The following TCF12 variants were observed in gnomAD, a reference collection of about 807,000 sequenced individuals.
TCF12 encodes the protein DNA-binding protein HTF4.
Under a neutral mutation model 86.0 loss-of-function variants are expected in TCF12, and 45 were observed. The observed-to-expected ratio is 0.52, with a 90% CI of 0.41 to 0.67. The LOEUF (loss-of-function observed/expected upper bound fraction) is 0.67. Ranked by LOEUF, TCF12 falls within the 30% of genes least tolerant of loss-of-function variation. TCF12 has a pLI of 0.00. For missense variants in TCF12, 881 were observed against 859.9 expected, an observed-to-expected ratio of 1.02 and a Z score of -0.31; for synonymous variants, 330 against 299.6, an observed-to-expected ratio of 1.10 and a Z score of -1.05.
At chr15:57,243,151 A>G (rs1432041143) in intron 12 of TCF12, among the ~76,000 whole-genome samples, 1 of 152,252 alleles carries the variant, frequency 6.6e-6, no homozygotes, top group Non-Finnish European at 1.5e-5. Context: ...AACATATTCT[A>G]GAAAGATTGT....
At chr15:57,211,775 G>A (rs1175304041) in intron 8 of TCF12, among the ~76,000 whole-genome samples, 2 of 152,174 alleles carry the variant, frequency 1.3e-5, no homozygotes, top group Non-Finnish European at 2.9e-5. Context: ...CCAACATGGC[G>A]AAACCCTGTC....
At position 57,192,313 on chromosome 15, in the gene TCF12, A is replaced by G; in HGVS notation, c.526+20A>G. On this transcript the variant is annotated intron_variant, in intron 7 of 20. Coordinates refer to ENST00000333725, the MANE Select transcript of TCF12 (RefSeq NM_207037.2). ...CGCTTGGTGAGTGTATCACACAACA[A>G]ATCCCATCCCACATATGTTGTTGTT... is the stretch of plus-strand genomic sequence containing the variant. 1 of 1,612,034 alleles carries G rather than the reference A, an allele frequency of 6.2e-7. No individual in the cohort carries two copies. Among genetic ancestry groups the G allele is most frequent in the Non-Finnish European group, 8.5e-7 (1 of 1,178,994 alleles).
At chr15:57,048,190 T>C (rs1378316697) in intron 3 of TCF12, among the ~76,000 whole-genome samples, 1 of 152,236 alleles carries the variant, frequency 6.6e-6, no homozygotes, top group Non-Finnish European at 1.5e-5. Context: ...TGTAATTGGA[T>C]GGGCTTACCA....
chr15:57,005,368 G>A (rs1182068600), intron 3 of TCF12, among the ~76,000 whole-genome samples: 1 of 152,024 alleles, frequency 6.6e-6, no homozygotes, highest in Non-Finnish European at 1.5e-5. Context: ...TTATATGATT[G>A]TGGTATTTTT....
intron 5 of TCF12, among the ~76,000 whole-genome samples, chr15:57,142,543 A>G (rs2053055911): frequency 6.7e-6 from 1 of 149,566 alleles, no homozygotes; most frequent in Non-Finnish European, 1.5e-5. Context: ...ATAGTAATAG[A>G]TTTATAATTC....
At chr15:57,098,009 CAAAAAAAAAAA>C (rs72046243) in intron 5 of TCF12, among the ~76,000 whole-genome samples, 2 of 48,410 alleles carry the variant, frequency 4.1e-5, no homozygotes, top group African/African-American at 9.4e-5. Flanking sequence ...TACAAAAATA[CAAAAAAAAAAA>C]AAAAAAAAAA....
At chr15:56,952,988 T>C (rs1476217996) in intron 3 of TCF12, among the ~76,000 whole-genome samples, 1 of 152,098 alleles carries the variant, frequency 6.6e-6, no homozygotes, top group African/African-American at 2.4e-5. Flanking sequence ...GTAGGCTTTT[T>C]TTTATAGTAC....
chr15:57,143,613 T>TGGGG (rs1555517358), intron 5 of TCF12, among the ~76,000 whole-genome samples: 3 of 152,114 alleles, frequency 2.0e-5, no homozygotes, highest in Non-Finnish European at 2.9e-5. Flanking sequence ...GTTTTCTGAC[T>TGGGG]GGGGCCCTGT....
intron 3 of TCF12, among the ~76,000 whole-genome samples, chr15:56,931,916 C>T (rs1278631985): frequency 6.6e-6 from 1 of 152,170 alleles, no homozygotes; most frequent in Non-Finnish European, 1.5e-5. Context: ...GTCTTAAGAA[C>T]CATGATACAA....
At chr15:57,262,363 C>A (rs1048253326) in intron 17 of TCF12, among the ~76,000 whole-genome samples, 155 bp downstream of exon 17, 19 of 152,170 alleles carry the variant, frequency 1.2e-4, no homozygotes, top group African/African-American at 4.1e-4. Context: ...AGGGTTCCAA[C>A]TGGCCCACCT....
chr15:57,131,647 C>A (rs16977249), intron 5 of TCF12, among the ~76,000 whole-genome samples: 2,072 of 152,222 alleles, frequency 0.014, 55 homozygotes, highest in African/African-American at 0.043. Context: ...TTGGAACTGG[C>A]ACATTTGATC....
At chr15:57,100,441 T>G (rs1021708982) in intron 5 of TCF12, among the ~76,000 whole-genome samples, 27 of 151,292 alleles carry the variant, frequency 1.8e-4, no homozygotes, top group Non-Finnish European at 3.7e-4. Context: ...TTTTTTTTTT[T>G]TAGTAGAGAT....
At position 57,127,043 on chromosome 15, in the gene TCF12, C is replaced by T. The variant is rs867593070; in HGVS notation, c.325+35152C>T. 4.0e-5 allele frequency among the ~76,000 whole-genome samples: 6 copies of T among 148,270 alleles called. No individual in the cohort carries two copies. The South Asian group carries it at 1.1e-3, about 26-fold the overall frequency. Reference sequence around the variant, plus strand: ...TGTTGCCCAGGCTGAAGTGCAGTGGCGTGATCTCAGCTCACTGCAACCTCC... The same window carrying T: ...TGTTGCCCAGGCTGAAGTGCAGTGGTGTGATCTCAGCTCACTGCAACCTCC... On this transcript the variant is annotated intron_variant, in intron 5 of 20. Transcript: ENST00000333725.
Position 56,964,296 on chromosome 15 carries a change from T to G in TCF12, c.148+43198T>G, listed in dbSNP as rs566998174. On this transcript the variant is annotated intron_variant, in intron 3 of 20. Transcript: ENST00000333725. ...AATTTTAAGAGTAGATAAAAATCATTACAAATTACTCAGCTTAGAATTTGG... is the reference window on the plus strand; with the variant it reads ...AATTTTAAGAGTAGATAAAAATCATGACAAATTACTCAGCTTAGAATTTGG... Among the ~76,000 whole-genome samples, 14 of 152,336 alleles carry G rather than the reference T, an allele frequency of 9.2e-5. No homozygotes were observed. In the South Asian group the frequency reaches 2.9e-3, roughly 32 times the overall value.
intron 4 of TCF12, chr15:57,072,537 GT>G (rs34927400): frequency 0.2 from 99,900 of 496,598 alleles, 11,867 homozygotes; most frequent in East Asian, 0.4. Context: ...GTTTGCTATT[GT>G]TTTTATTTTT....
In TCF12 at chr15:57,098,205, C is replaced by CA. The variant is rs759728101; in HGVS notation, c.325+6321dup. ...ATCTCAAAAAAACAAAACAAACAAA[C>CA]AAAAAAACAGAAAAAGAAACATGGC... On this transcript the variant is annotated intron_variant, in intron 5 of 20. Transcript: ENST00000333725. Among the ~76,000 whole-genome samples, 21 of 151,768 alleles carry CA rather than the reference C, an allele frequency of 1.4e-4. No individual in the cohort carries two copies. In the East Asian group the frequency reaches 2.9e-3, roughly 21 times the overall value.
intron 4 of TCF12, among the ~76,000 whole-genome samples, chr15:57,068,302 C>A (rs1230383402): frequency 1.3e-5 from 2 of 152,092 alleles, no homozygotes; most frequent in Non-Finnish European, 2.9e-5. Flanking sequence ...TAAGTGTTGG[C>A]TTTAAACCTG....
rs559617160 is a variant in TCF12 at position 57,044,783 on chromosome 15, C to T, written c.149-18967C>T. ...AGAATTCATTATTTTCAAATGTTCACGGATTTGTTATGTTTTCCATACAAA... is the reference window on the plus strand; with the variant it reads ...AGAATTCATTATTTTCAAATGTTCATGGATTTGTTATGTTTTCCATACAAA... On this transcript the variant is annotated intron_variant, in intron 3 of 20. Transcript: ENST00000333725. Among the ~76,000 whole-genome samples, 56 of 152,036 alleles carry T rather than the reference C, an allele frequency of 3.7e-4. 1 individual carries two copies. In the South Asian group the frequency reaches 7.5e-3, roughly 20 times the overall value.
intron 3 of TCF12, among the ~76,000 whole-genome samples, chr15:57,004,623 A>G (rs1413353637): frequency 6.6e-6 from 1 of 151,918 alleles, no homozygotes; most frequent in Non-Finnish European, 1.5e-5. Flanking sequence ...GTTAGCCAGG[A>G]TGGTCTCTGT....
Sources: gnomAD v4.1 joint callset for allele counts (sites outside exome capture counted in the v4.1 genomes callset) on GRCh38, gnomAD v4.1.1 for gene constraint, MANE v1.5 for transcripts, NCBI Gene and HGNC (gene_info 2026-07-23, HGNC 2026-07-21) for gene names.